Variants in L3MBTL4 observed in about 807,000 individuals in gnomAD.
L3MBTL4 encodes L3MBTL histone methyl-lysine binding protein 4, also known as lethal(3)malignant brain tumor-like protein 4.
Under a neutral mutation model 84.5 loss-of-function variants are expected in L3MBTL4, and 70 were observed. The ratio of observed to expected loss-of-function variants is 0.83; its 90% confidence interval spans 0.68 to 1.01. The LOEUF (loss-of-function observed/expected upper bound fraction) is 1.01. Among genes scored for constraint, L3MBTL4 ranks in the 50% least tolerant of loss-of-function variants. L3MBTL4 has a pLI of 0.00. For missense variants in L3MBTL4, 715 were observed against 754.8 expected (o/e 0.95, Z 0.62); for synonymous variants, 274 against 259.8 (o/e 1.05, Z -0.52).
chr18:6,394,368 T>A (rs2055186028), intron 1 of L3MBTL4, among the ~76,000 whole-genome samples: 1 of 152,076 alleles, frequency 6.6e-6, no homozygotes, highest in Non-Finnish European at 1.5e-5. Flanking sequence ...CATAGGAGAC[T>A]GAGGCAGGAG....
intron 1 of L3MBTL4, among the ~76,000 whole-genome samples, chr18:6,384,662 A>T (rs781195204): frequency 6.6e-6 from 1 of 152,230 alleles, no homozygotes; most frequent in African/African-American, 2.4e-5. Context: ...CCTGTTCTGA[A>T]TATAGGCCAA....
At chr18:6,266,507 G>A (rs1048804023) in intron 4 of L3MBTL4, among the ~76,000 whole-genome samples, 17 of 152,216 alleles carry the variant, frequency 1.1e-4, no homozygotes, top group African/African-American at 4.1e-4. Context: ...AGAGATGACA[G>A]GAGGTAAGAT....
intron 12 of L3MBTL4, among the ~76,000 whole-genome samples, chr18:6,179,537 G>C (rs2044372919): frequency 1.3e-5 from 2 of 152,222 alleles, no homozygotes; most frequent in Non-Finnish European, 2.9e-5. Flanking sequence ...CATCTGCCCT[G>C]CTGTGGGGCA....
intron 11 of L3MBTL4, among the ~76,000 whole-genome samples, chr18:6,215,516 C>T (rs1293025857): frequency 6.6e-6 from 1 of 152,084 alleles, no homozygotes; most frequent in Non-Finnish European, 1.5e-5. Flanking sequence ...TTCAATTGTA[C>T]CTCTGATTTG....
chr18:5,994,124 T>A (rs1008542434), intron 16 of L3MBTL4, among the ~76,000 whole-genome samples: 1 of 152,210 alleles, frequency 6.6e-6, no homozygotes, highest in African/African-American at 2.4e-5. Flanking sequence ...CCTCTGCTCC[T>A]GGGGCATGCA....
chr18:6,220,833 A>C lies in L3MBTL4; in HGVS notation c.785-4998T>G, dbSNP rs113113174. On this transcript the variant is annotated intron_variant, in intron 10 of 18. Transcript: ENST00000317931. Reference sequence around the variant, plus strand: ...GCCAAAATGATACCAGTCTAGCCCCAAAATTCTGAATGAAACTCTGATACA... The same window carrying C: ...GCCAAAATGATACCAGTCTAGCCCCCAAATTCTGAATGAAACTCTGATACA... 2.1e-3 allele frequency among the ~76,000 whole-genome samples: 317 copies of C among 152,286 alleles called. 2 individuals carry two copies. Among genetic ancestry groups the C allele is most frequent in the African/African-American group, 7.0e-3 (293 of 41,568 alleles).
At chr18:5,972,617 G>A (rs2052692691) in intron 16 of L3MBTL4, among the ~76,000 whole-genome samples, 1 of 152,062 alleles carries the variant, frequency 6.6e-6, no homozygotes, top group Admixed American at 6.5e-5. Context: ...TGTTTCGCGG[G>A]GGCTGTTTTG....
intron 1 of L3MBTL4, among the ~76,000 whole-genome samples, chr18:6,343,381 C>T (rs1013063057): frequency 3.3e-5 from 5 of 151,976 alleles, no homozygotes; most frequent in East Asian, 1.9e-4. Flanking sequence ...AGTTGTAAAT[C>T]GGCTGGGTGC....
intron 12 of L3MBTL4, among the ~76,000 whole-genome samples, chr18:6,202,544 A>C (rs1446096581): frequency 1.3e-5 from 2 of 152,144 alleles, no homozygotes; most frequent in African/African-American, 4.8e-5. Context: ...CAGGTGAGAT[A>C]TGCTGCTGGC....
intron 16 of L3MBTL4, among the ~76,000 whole-genome samples, chr18:6,011,001 T>C (rs511683): frequency 0.16 from 24,405 of 152,180 alleles, 2,314 homozygotes; most frequent in African/African-American, 0.25. Context: ...TCTGCTAATG[T>C]TGGTCTCCTT....
chr18:6,205,513 A>T (rs1433783563), intron 12 of L3MBTL4, among the ~76,000 whole-genome samples: 5 of 152,256 alleles, frequency 3.3e-5, no homozygotes. Flanking sequence ...GCACCTATCA[A>T]CCTGTCACCA....
At chr18:6,049,847 C>T (rs1242281036) in intron 16 of L3MBTL4, among the ~76,000 whole-genome samples, 1 of 152,324 alleles carries the variant, frequency 6.6e-6, no homozygotes, top group Admixed American at 6.5e-5. Flanking sequence ...CAAACCTGTA[C>T]ATGTAACCCT....
intron 16 of L3MBTL4, among the ~76,000 whole-genome samples, chr18:6,007,698 C>T (rs2054555062): frequency 6.6e-6 from 1 of 152,042 alleles, no homozygotes; most frequent in Admixed American, 6.6e-5. Flanking sequence ...CTGGAAATAC[C>T]CAAACGTCCA....
At chr18:6,177,938 T>A (rs1461111648) in intron 12 of L3MBTL4, among the ~76,000 whole-genome samples, 2 of 151,374 alleles carry the variant, frequency 1.3e-5, no homozygotes, top group Non-Finnish European at 3.0e-5. Context: ...TGGGGTGCAA[T>A]TTTTTTATGT....
At chr18:6,191,765 ATTGC>A (rs1555684160) in intron 12 of L3MBTL4, among the ~76,000 whole-genome samples, 2 of 152,110 alleles carry the variant, frequency 1.3e-5, no homozygotes, top group Non-Finnish European at 1.5e-5. Context: ...TGGCAGGATG[ATTGC>A]TTGAGTCCAG....
intron 12 of L3MBTL4, among the ~76,000 whole-genome samples, chr18:6,174,196 C>T (rs1419561611): frequency 6.8e-6 from 1 of 147,604 alleles, no homozygotes; most frequent in Non-Finnish European, 1.5e-5. Context: ...TTACATATAA[C>T]ATACAAAAGT....
chr18:6,340,137 C>T (rs1358209734), intron 1 of L3MBTL4, among the ~76,000 whole-genome samples: 2 of 152,106 alleles, frequency 1.3e-5, no homozygotes, highest in Admixed American at 6.6e-5. Context: ...TTTTTATGAA[C>T]ATCTTTTTTA....
chr18:6,081,084 G>T, intron 15 of L3MBTL4, 133 bp from the exon 16 acceptor site: 1 of 547,030 alleles, frequency 1.8e-6, no homozygotes, highest in South Asian at 3.4e-5. Flanking sequence ...GCTGCACAGA[G>T]CCTTGTTAGA....
intron 12 of L3MBTL4, among the ~76,000 whole-genome samples, chr18:6,208,128 T>TAAATAAAA (rs1248719022): frequency 2.1e-5 from 3 of 146,006 alleles, no homozygotes; most frequent in African/African-American, 8.1e-5. Flanking sequence ...AATAAATAAA[T>TAAATAAAA]AAATAAATAA....
Sources: gnomAD v4.1 joint callset for allele counts (sites outside exome capture counted in the v4.1 genomes callset) on GRCh38, gnomAD v4.1.1 for gene constraint, MANE v1.5 for transcripts, NCBI Gene and HGNC (gene_info 2026-07-23, HGNC 2026-07-21) for gene names.